REC8: variants seen among roughly 807,000 people sequenced by gnomAD.
REC8 encodes meiotic recombination protein REC8 homolog.
REC8 carries 42 observed loss-of-function variants against 78.3 expected under a neutral mutation model. The observed-to-expected ratio is 0.54, with a 90% CI of 0.42 to 0.69. The LOEUF (loss-of-function observed/expected upper bound fraction) is 0.69, where lower values mean the gene tolerates loss of function less well. REC8 is among the 30% of genes least tolerant of loss of function. The pLI, the probability that REC8 is intolerant of heterozygous loss-of-function variation, is 0.00. For missense variants in REC8, 581 were observed against 715.8 expected, an observed-to-expected ratio of 0.81 and a Z score of 2.15; for synonymous variants, 268 against 274.1, an observed-to-expected ratio of 0.98 and a Z score of 0.22.
chr14:24,172,721 C>G lies in REC8; in HGVS notation c.65C>G (p.Ala22Gly). 1 of 1,614,150 alleles carries G rather than the reference C, an allele frequency of 6.2e-7. No individual in the cohort carries two copies. The highest frequency in any genetic ancestry group is 1.1e-5 in the South Asian group (1 of 91,090). The change falls in exon 2 of 19, where the codon GCG (alanine) becomes GGG (glycine). Residue 22 changes from alanine (A) to glycine (G), a missense_variant. Coordinates refer to ENST00000611366, the MANE Select transcript of REC8 (RefSeq NM_001048205.2). ...TTCCCCACCCACTTCAGGCTGGCGG[C>G]GACTCGCGGCAGCCGGTTGGTGAAG... The part of the protein sequence containing the change: ...TGCFATIWLA[A>G]TRGSRLVKRE...
In REC8 at chr14:24,172,772, T is replaced by G. The variant is rs1279560192; in HGVS notation, c.116T>G (p.Val39Gly). Residue 39 changes from valine to glycine, a missense_variant, in exon 2 of 19, where the codon GTG (valine) becomes GGG (glycine). By Grantham distance (109) the Val-to-Gly change is moderately radical (BLOSUM62 -3). Coordinates refer to ENST00000611366, the MANE Select transcript of REC8 (RefSeq NM_001048205.2). ...VKREYLRVNV[V>G]KTCEEILNYV... ...CGCGAATACCTGAGGGTGAATGTGG[T>G]GAAAACCTGGTAAGGCCCAGAAAAG... 6.2e-7 allele frequency: 1 copy of G among 1,613,624 alleles called. No homozygotes were observed. Among genetic ancestry groups the G allele is most frequent in the African/African-American group, 1.3e-5 (1 of 74,746 alleles).
intron 5 of REC8, among the ~76,000 whole-genome samples, chr14:24,174,166 T>C (rs2038787714): frequency 1.3e-5 from 2 of 151,990 alleles, no homozygotes; most frequent in African/African-American, 4.8e-5. Flanking sequence ...CCCGGCCCAA[T>C]TTTTTTAGGG....
At chr14:24,178,988 G>A (rs567642163) in intron 14 of REC8, 72 bp downstream of exon 14, 1 of 1,598,336 alleles carries the variant, frequency 6.3e-7, no homozygotes, top group African/African-American at 1.3e-5. Flanking sequence ...GCCCTCTCCT[G>A]CTATGAGAGC....
At chr14:24,173,653 ACT>A (rs2139123520) in intron 5 of REC8, among the ~76,000 whole-genome samples, 1 of 152,144 alleles carries the variant, frequency 6.6e-6, no homozygotes, top group South Asian at 2.1e-4. Context: ...TTGTCTCCAC[ACT>A]GTTTTCACTG....
chr14:24,176,132 T>C (rs1186268092), intron 6 of REC8, among the ~76,000 whole-genome samples: 17 of 151,850 alleles, frequency 1.1e-4, no homozygotes, highest in Admixed American at 1.1e-3. Context: ...AGTGGTGCAC[T>C]TTAGGCTCAC....
chr14:24,177,834 G>A (rs1310279004), intron 11 of REC8, 76 bp downstream of exon 11: 13 of 1,495,674 alleles, frequency 8.7e-6, no homozygotes, highest in Non-Finnish European at 1.2e-5. Context: ...CCAAGCCCAG[G>A]GCCACTGCTA....
At chr14:24,174,410 T>C (rs1230826975) in intron 5 of REC8, among the ~76,000 whole-genome samples, 2 of 152,200 alleles carry the variant, frequency 1.3e-5, no homozygotes, top group Non-Finnish European at 2.9e-5. Flanking sequence ...CCCGAATAGC[T>C]GGGATTACAG....
Position 24,177,524 on chromosome 14 carries a change from C to G in REC8, c.797C>G (p.Pro266Arg), listed in dbSNP as rs372680605. The G allele has an allele frequency of 1.1e-5, 18 of 1,613,818 alleles. No homozygotes were observed. Among genetic ancestry groups the G allele is most frequent in the Non-Finnish European group, 1.5e-5 (18 of 1,179,816 alleles). The change falls in exon 10 of 19, where the codon CCT becomes CGT. Residue 266 changes from proline (P) to arginine (R), a missense_variant. By Grantham distance (103) the Pro-to-Arg change is moderately radical (BLOSUM62 -2). Coordinates refer to ENST00000611366, the MANE Select transcript of REC8 (RefSeq NM_001048205.2). ...PEELRLTGWE[P>R]GALLMEVTPP... ...GAGCTGAGGCTGACAGGCTGGGAACCTGGGGCCCTACTCATGGGTGAGTGC... is the reference window on the plus strand; with the variant it reads ...GAGCTGAGGCTGACAGGCTGGGAACGTGGGGCCCTACTCATGGGTGAGTGC...
intron 12 of REC8, 148 bp from the exon 13 acceptor site, chr14:24,178,458 C>A: frequency 2.2e-6 from 2 of 902,736 alleles, no homozygotes; most frequent in South Asian, 1.7e-5. Flanking sequence ...AAAAGTCCTT[C>A]TTTTAGCAAT....
At chr14:24,180,796 C>T (rs1566640400), downstream of REC8, 3 of 1,594,906 alleles carry the variant, frequency 1.9e-6, no homozygotes, top group Admixed American at 1.7e-5. Context: ...GCAGCAGCCC[C>T]AGACCCCAGG....
intron 4 of REC8, 36 bp downstream of exon 4, chr14:24,173,234 T>G (rs1421111486): frequency 6.2e-7 from 1 of 1,614,074 alleles, no homozygotes; most frequent in Non-Finnish European, 8.5e-7. Context: ...GAACACCTGC[T>G]AGCTTGGCCT....
intron 15 of REC8, 55 bp downstream of exon 15, chr14:24,179,188 A>C: frequency 6.9e-7 from 1 of 1,448,894 alleles, no homozygotes; most frequent in Non-Finnish European, 9.5e-7. Context: ...CTGTCCCAGG[A>C]AACTAGTATC....
chr14:24,172,623 C>G lies in REC8; in HGVS notation c.56+15C>G. ...GCCACCATCTGGTAAGGGCGGGGCCCGTTGGCGCGCGATGGCGGACGCTGC... is the reference window on the plus strand; with the variant it reads ...GCCACCATCTGGTAAGGGCGGGGCCGGTTGGCGCGCGATGGCGGACGCTGC... On this transcript the variant is annotated intron_variant, in intron 1 of 18. Transcript: ENST00000611366. The G allele has an allele frequency of 1.2e-6, 2 of 1,613,148 alleles. No homozygotes were observed. The highest frequency in any genetic ancestry group is 1.7e-6 in the Non-Finnish European group (2 of 1,179,382).
chr14:24,175,739 T>TTC, intron 6 of REC8, 115 bp downstream of exon 6: 1 of 689,998 alleles, frequency 1.4e-6, no homozygotes, highest in Non-Finnish European at 2.5e-6. Flanking sequence ...TTTTTTTTTT[T>TTC]CGAGGCAGAG....
rs201504413 is a variant in REC8, at chr14:24,173,272, G to A, written c.342-19G>A. ...GCCTGGCTCAGCCTCAGTCCTTCAC[G>A]GCCTACATTCTCTCCCAGACCCAGC... On this transcript the variant is annotated intron_variant, in intron 4 of 18. Transcript: ENST00000611366. 14 of 1,614,064 alleles carry A rather than the reference G, an allele frequency of 8.7e-6. No individual in the cohort carries two copies. The East Asian group carries it at 1.1e-4, about 13-fold the overall frequency.
At chr14:24,179,189 A>C in intron 15 of REC8, 56 bp downstream of exon 15, 1 of 1,440,844 alleles carries the variant, frequency 6.9e-7, no homozygotes, top group Admixed American at 2.0e-5. Flanking sequence ...TGTCCCAGGA[A>C]ACTAGTATCC....
Position 24,178,130 on chromosome 14 carries a change from C to T in REC8, c.904C>T (p.Arg302Cys), listed in dbSNP as rs771161793. The change falls in exon 12 of 19, where the codon CGT becomes TGT. Residue 302 changes from arginine (R) to cysteine (C), a missense_variant. Physicochemically the swap from Arg to Cys is radical, Grantham distance 180. Coordinates refer to ENST00000611366, the MANE Select transcript of REC8 (RefSeq NM_001048205.2). ...PVPPPPRRRR[R>C]RRLLFWDKET... ...CCCCCCACCTCCTCGCCGCCGCCGT[C>T]GTCGCCGGTTACTGTTCTGGGACAA... 21 of 1,613,934 alleles carry T rather than the reference C, an allele frequency of 1.3e-5. No individual in the cohort carries two copies. The highest frequency in any genetic ancestry group is 2.2e-5 in the East Asian group (1 of 44,874).
In REC8 at chr14:24,179,608, G is replaced by A. The variant is rs2039073067; in HGVS notation, c.1333G>A (p.Val445Met). 1 of 1,614,112 alleles carries A rather than the reference G, an allele frequency of 6.2e-7. No homozygotes were observed. Among genetic ancestry groups the A allele is most frequent in the African/African-American group, 1.3e-5 (1 of 74,946 alleles). Residue 445 changes from valine to methionine, a missense_variant, in exon 17 of 19, where the codon GTG becomes ATG. Transcript: ENST00000611366. ...PPEERWAWPEVEAPEAPALPV... is the reference protein window; with the variant it reads ...PPEERWAWPEMEAPEAPALPV... ...ATGTCCTCCTAGGGCCTGGCCTGAG[G>A]TGGAGGCGCCAGAAGCTCCTGCATT...
intron 6 of REC8, among the ~76,000 whole-genome samples, chr14:24,176,474 G>C (rs533587729): frequency 6.6e-6 from 1 of 151,442 alleles, no homozygotes; most frequent in East Asian, 1.9e-4. Flanking sequence ...CTCCAGAGTA[G>C]CTGGGACCAC....
Sources: allele counts gnomAD v4.1 joint callset (sites outside exome capture counted in the v4.1 genomes callset), GRCh38; gene constraint gnomAD v4.1.1; transcripts MANE v1.5; gene names NCBI Gene and HGNC (gene_info 2026-07-23, HGNC 2026-07-21).